Variants in USP25 observed in about 807,000 individuals in gnomAD.
USP25 encodes the protein ubiquitin specific peptidase 25, also known as ubiquitin carboxyl-terminal hydrolase 25.
Under a neutral mutation model 158.5 loss-of-function variants are expected in USP25, and 85 were observed. The ratio of observed to expected loss-of-function variants is 0.54; its 90% CI spans 0.45 to 0.64. The LOEUF is 0.64. USP25 is among the 30% of genes least tolerant of loss of function. USP25 has a pLI of 0.00. For synonymous variants in USP25, 464 were observed against 460.4 expected (o/e 1.01, Z -0.10); for missense variants, 1,242 against 1,327.3 (o/e 0.94, Z 1.00).
At chr21:15,794,959 T>G (rs1015991419) in intron 5 of USP25, among the ~76,000 whole-genome samples, 1 of 151,568 alleles carries the variant, frequency 6.6e-6, no homozygotes, top group African/African-American at 2.4e-5. Context: ...TGTCAGAACA[T>G]TTCAGGATAT....
chr21:15,813,875 G>A (rs2036798324), intron 9 of USP25, among the ~76,000 whole-genome samples: 1 of 151,864 alleles, frequency 6.6e-6, no homozygotes, highest in African/African-American at 2.4e-5. Context: ...TCTACATGTG[G>A]TTAAATCCAT....
intron 4 of USP25, among the ~76,000 whole-genome samples, chr21:15,790,290 G>A (rs1437695217): frequency 6.6e-6 from 1 of 151,892 alleles, no homozygotes; most frequent in Non-Finnish European, 1.5e-5. Flanking sequence ...AGTAGAAACT[G>A]TTTACTTTTC....
At chr21:15,730,974 C>CTTTTTTTTTTTTTTTTTTTTTTTT (rs1420306163) in intron 1 of USP25, among the ~76,000 whole-genome samples, 1 of 60,348 alleles carries the variant, frequency 1.7e-5, no homozygotes, top group Non-Finnish European at 3.1e-5. Flanking sequence ...TTCTTCTTTT[C>CTTTTTTTTTTTTTTTTTTTTTTTT]TGTTTTTTTT....
In USP25 at chr21:15,833,544, A is replaced by G; in HGVS notation, c.2190A>G (p.Thr730=). ...QKLRESETSV[T]TAQAAGDPEY... is the part of the protein sequence containing the mutation. ...TGAGAGAGTCAGAGACTTCTGTGAC[A>G]ACAGGTTTGTCCATTTTTATTAAGT... The change falls in exon 17 of 26, where the codon ACA becomes ACG. Residue 730 remains threonine (T), a synonymous_variant. Coordinates refer to ENST00000400183, the MANE Select transcript of USP25 (RefSeq NM_001283041.3). The G allele has an allele frequency of 6.2e-6, 10 of 1,612,204 alleles. No individual in the cohort carries two copies. The highest frequency in any genetic ancestry group is 8.5e-6 in the Non-Finnish European group (10 of 1,179,188).
rs1282493743 is a variant in USP25, at chr21:15,811,155, G to T, written c.876G>T (p.Lys292Asn). The T allele has an allele frequency of 1.2e-6, 2 of 1,612,402 alleles. No individual in the cohort carries two copies. Among genetic ancestry groups the T allele is most frequent in the African/African-American group, 1.3e-5 (1 of 74,824 alleles). ...AEEETDEEKPKNPMVELFYGR... is the reference protein window; with the variant it reads ...AEEETDEEKPNNPMVELFYGR... Reference sequence around the variant, plus strand: ...ACTTTAGGGATGAAGAGAAGCCAAAGAACCCCATGGTAGAGTTGTTCTATG... The same window carrying T: ...ACTTTAGGGATGAAGAGAAGCCAAATAACCCCATGGTAGAGTTGTTCTATG... The change falls in exon 9 of 26, where the codon AAG becomes AAT. Residue 292 changes from lysine to asparagine, a missense_variant. Physicochemically the swap from Lys to Asn is moderately conservative, Grantham distance 94. Transcript: ENST00000400183.
At chr21:15,736,166 C>G (rs1033350689) in intron 1 of USP25, among the ~76,000 whole-genome samples, 3 of 151,834 alleles carry the variant, frequency 2.0e-5, no homozygotes, top group African/African-American at 7.3e-5. Context: ...GGTGCAATCT[C>G]AGCTCACTGC....
chr21:15,870,395 C>G (rs1187025812), intron 23 of USP25, among the ~76,000 whole-genome samples: 1 of 152,128 alleles, frequency 6.6e-6, no homozygotes, highest in Non-Finnish European at 1.5e-5. Context: ...TTTATTAGCT[C>G]TCAAACACTA....
chr21:15,754,610 G>C (rs1336774279), intron 1 of USP25, among the ~76,000 whole-genome samples: 1 of 152,206 alleles, frequency 6.6e-6, no homozygotes, highest in South Asian at 2.1e-4. Flanking sequence ...AAGGAGAATG[G>C]TGTTCTGTAG....
chr21:15,818,301 G>C (rs1278959959), intron 9 of USP25, among the ~76,000 whole-genome samples: 1 of 152,032 alleles, frequency 6.6e-6, no homozygotes, highest in Non-Finnish European at 1.5e-5. Flanking sequence ...GTAATTATTT[G>C]TTTATAAATA....
chr21:15,804,963 AAC>A (rs2036307167), intron 6 of USP25, among the ~76,000 whole-genome samples, 156 bp from the exon 7 acceptor site: 1 of 152,166 alleles, frequency 6.6e-6, no homozygotes, highest in Non-Finnish European at 1.5e-5. Flanking sequence ...AGATGGCACC[AAC>A]ACTCTACTTT....
rs917795733 is a variant in USP25 at position 15,766,558 on chromosome 21, T to G, written c.268+417T>G. Among the ~76,000 whole-genome samples, 2 of 152,010 alleles carry G rather than the reference T, an allele frequency of 1.3e-5. No homozygotes were observed. Among genetic ancestry groups the G allele is most frequent in the Non-Finnish European group, 2.9e-5 (2 of 67,940 alleles). ...ATAAAATTTCCCTTCCCTTTCCCCC[T>G]GCTTCCAAATAAAGCTTTGGCAAAG... On this transcript the variant is annotated intron_variant, in intron 3 of 25. Transcript: ENST00000400183. The surrounding 1 kb of genome is among the most constrained non-coding windows in gnomAD (Gnocchi z 4.0).
chr21:15,792,108 G>C (rs1238425608), intron 5 of USP25, among the ~76,000 whole-genome samples: 1 of 151,602 alleles, frequency 6.6e-6, no homozygotes, highest in Non-Finnish European at 1.5e-5. Context: ...TTTTGTTTGA[G>C]GTTGGTATAG....
chr21:15,757,069 A>G (rs898711883), intron 1 of USP25, among the ~76,000 whole-genome samples: 8 of 152,176 alleles, frequency 5.3e-5, no homozygotes, highest in Admixed American at 5.2e-4. Flanking sequence ...ACAAACCTTG[A>G]AAAACAGACT....
intron 25 of USP25, 67 bp downstream of exon 25, chr21:15,878,058 A>G: frequency 7.6e-7 from 1 of 1,311,908 alleles, no homozygotes; most frequent in Non-Finnish European, 1.0e-6. Flanking sequence ...ATTAGATGTT[A>G]TTTATTCTTG....
intron 1 of USP25, among the ~76,000 whole-genome samples, chr21:15,756,689 A>G (rs1038598371): frequency 2.0e-5 from 3 of 152,168 alleles, no homozygotes; most frequent in South Asian, 2.1e-4. Flanking sequence ...CACATAGTAG[A>G]CACTTAAGGA....
chr21:15,818,968 G>A (rs998361123), intron 10 of USP25, 122 bp downstream of exon 10: 2 of 1,211,096 alleles, frequency 1.7e-6, no homozygotes, highest in African/African-American at 1.5e-5. Context: ...CAGAGAGTAT[G>A]TTTGGATTTA....
Position 15,877,888 on chromosome 21 carries a change from A to ATTT in USP25, c.3105_3107dup (p.Phe1035dup). 6.2e-7 allele frequency: 1 copy of ATTT among 1,613,462 alleles called. No homozygotes were observed. The highest frequency in any genetic ancestry group is 2.2e-5 in the East Asian group (1 of 44,812). On this transcript the variant is annotated inframe_insertion, in exon 25 of 26. Coordinates refer to ENST00000400183, the MANE Select transcript of USP25 (RefSeq NM_001283041.3). ...TTATCATGAATGAGTTTATTGTCCC[A>ATTT]TTTTTGCCATTATTACTGGTGGATG...
At chr21:15,799,703 A>T in intron 5 of USP25, 54 bp from the exon 6 acceptor site, 1 of 1,280,636 alleles carries the variant, frequency 7.8e-7, no homozygotes, top group Non-Finnish European at 1.1e-6. Flanking sequence ...TCATTTTTAC[A>T]TTCTGCTAAT....
At chr21:15,784,105 G>C (rs1216299304) in intron 4 of USP25, among the ~76,000 whole-genome samples, 1 of 152,204 alleles carries the variant, frequency 6.6e-6, no homozygotes. Context: ...TTAATACCAT[G>C]AAAATATGTG....
Sources: allele counts gnomAD v4.1 joint callset (sites outside exome capture counted in the v4.1 genomes callset), GRCh38; gene constraint gnomAD v4.1.1; non-coding constraint Gnocchi (gnomAD v3.1); transcripts MANE v1.5; gene names NCBI Gene and HGNC (gene_info 2026-07-23, HGNC 2026-07-21).